The following NSMCE2 variants were observed in gnomAD, a reference collection of about 807,000 sequenced individuals.
NSMCE2 encodes NSE2 SUMO ligase component of SMC5/6 complex, also known as E3 SUMO-protein ligase NSE2.
NSMCE2 carries 24 observed loss-of-function variants against 23.8 expected under a neutral mutation model. The observed-to-expected ratio is 1.01, with a 90% confidence interval of 0.73 to 1.42. The LOEUF is 1.42. Among genes scored for constraint, NSMCE2 ranks in the 40% most tolerant of loss-of-function variants. The pLI is 0.00. For synonymous variants in NSMCE2, 92 were observed against 94.1 expected, an observed-to-expected ratio of 0.98 and a Z score of 0.13; for missense variants, 284 against 296.5, an observed-to-expected ratio of 0.96 and a Z score of 0.31.
At chr8:125,234,863 G>A (rs185040040) in intron 5 of NSMCE2, among the ~76,000 whole-genome samples, 64 of 151,938 alleles carry the variant, frequency 4.2e-4, no homozygotes, top group East Asian at 2.1e-3. Flanking sequence ...ACTCTTGTCC[G>A]CCTAATCCCC....
intron 5 of NSMCE2, among the ~76,000 whole-genome samples, chr8:125,299,804 CTTTTT>C (rs58789139): frequency 2.8e-5 from 2 of 70,242 alleles, no homozygotes; most frequent in African/African-American, 5.6e-5. Flanking sequence ...TTTTGGCTTT[CTTTTT>C]TTTTTTTTTT....
intron 5 of NSMCE2, among the ~76,000 whole-genome samples, chr8:125,341,008 C>CT (rs1328971174): frequency 1.3e-5 from 2 of 152,184 alleles, no homozygotes; most frequent in Non-Finnish European, 2.9e-5. Flanking sequence ...TGTTCCCTCA[C>CT]TGGGCATGTG....
chr8:125,259,177 A>G (rs1826572773), intron 5 of NSMCE2, among the ~76,000 whole-genome samples: 1 of 151,914 alleles, frequency 6.6e-6, no homozygotes, highest in Non-Finnish European at 1.5e-5. Flanking sequence ...GGTGTGAGCC[A>G]CTGTACCTGG....
At chr8:125,259,982 C>A (rs1031426310) in intron 5 of NSMCE2, among the ~76,000 whole-genome samples, 3 of 152,130 alleles carry the variant, frequency 2.0e-5, no homozygotes, top group African/African-American at 7.2e-5. Context: ...ATGAAGCAAC[C>A]GAGGCAGCAG....
At chr8:125,199,858 G>A (rs111527821) in intron 5 of NSMCE2, among the ~76,000 whole-genome samples, 8 of 152,118 alleles carry the variant, frequency 5.3e-5, no homozygotes, top group African/African-American at 1.4e-4. Context: ...ATCTGGGTGC[G>A]CCTGTGTTGG....
At chr8:125,140,375 T>C (rs1358961692) in intron 3 of NSMCE2, among the ~76,000 whole-genome samples, 1 of 152,090 alleles carries the variant, frequency 6.6e-6, no homozygotes, top group Non-Finnish European at 1.5e-5. Context: ...TCAATAATCA[T>C]ATAAAGGCCA....
chr8:125,110,762 G>GTTTT (rs1017002301), intron 3 of NSMCE2, among the ~76,000 whole-genome samples: 43 of 41,776 alleles, frequency 1.0e-3, no homozygotes, highest in African/African-American at 1.7e-3. Context: ...GGTTGTTGTT[G>GTTTT]TTTTTTTTTT....
At chr8:125,195,663 C>G (rs935642023) in intron 5 of NSMCE2, among the ~76,000 whole-genome samples, 28 of 152,118 alleles carry the variant, frequency 1.8e-4, no homozygotes, top group Admixed American at 1.8e-3. Flanking sequence ...AGACAAGTCT[C>G]TATGCTCATG....
At chr8:125,264,754 T>A (rs1826844494) in intron 5 of NSMCE2, among the ~76,000 whole-genome samples, 1 of 152,170 alleles carries the variant, frequency 6.6e-6, no homozygotes, top group Non-Finnish European at 1.5e-5. Context: ...TTCGCCAGAC[T>A]CATTTTCTGG....
intron 3 of NSMCE2, among the ~76,000 whole-genome samples, chr8:125,122,174 A>T (rs1052971402): frequency 0.047 from 5,194 of 109,350 alleles, 311 homozygotes; most frequent in African/African-American, 0.17. Context: ...GGCTGAGCCA[A>T]AAAAAAAAAA....
At position 125,331,781 on chromosome 8, in the gene NSMCE2, G is replaced by A. The variant is rs949407854; in HGVS notation, c.419-25438G>A. The stretch of plus-strand genomic sequence containing the variant: ...CTTTCAAATTTCAGTCAACGGTAAA[G>A]TTTCAGCGTATAGCATGGTCCACTT... On this transcript the variant is annotated intron_variant, in intron 5 of 7. Coordinates refer to ENST00000287437, the MANE Select transcript of NSMCE2 (RefSeq NM_173685.4). 7.9e-5 allele frequency among the ~76,000 whole-genome samples: 12 copies of A among 152,278 alleles called. 1 individual carries two copies. The East Asian group carries it at 2.3e-3, about 29-fold the overall frequency.
chr8:125,126,563 G>A (rs1189098814), intron 3 of NSMCE2, among the ~76,000 whole-genome samples: 1 of 152,132 alleles, frequency 6.6e-6, no homozygotes, highest in East Asian at 1.9e-4. Context: ...AGAAGATGTA[G>A]TACCTTACTT....
At chr8:125,232,568 C>G (rs1825369813) in intron 5 of NSMCE2, among the ~76,000 whole-genome samples, 2 of 152,062 alleles carry the variant, frequency 1.3e-5, no homozygotes, top group South Asian at 4.2e-4. Context: ...AGTTAGGAGA[C>G]AATCTTGAAA....
chr8:125,357,955 G>A lies in NSMCE2; in HGVS notation c.626+137G>A, dbSNP rs138893686. ...CCTCCCGAATACTGTAAACATGGAA[G>A]TGGGCTTTCTGGAAAAACAATACAT... On this transcript the variant is annotated intron_variant, in intron 7 of 7. Coordinates refer to ENST00000287437, the MANE Select transcript of NSMCE2 (RefSeq NM_173685.4). The A allele has an allele frequency of 1.1e-3, 688 of 646,854 alleles. 4 individuals are homozygous for A. In the African/African-American group the frequency reaches 0.011, roughly 10 times the overall value. The allele number at this position is 646,854 out of a possible 1,614,324, so 40.1% of individuals were successfully genotyped here.
At chr8:125,098,226 C>G (rs933495659) in intron 1 of NSMCE2, among the ~76,000 whole-genome samples, 2 of 152,178 alleles carry the variant, frequency 1.3e-5, no homozygotes, top group African/African-American at 4.8e-5. Context: ...TACACTGACA[C>G]TACATGTCTC....
At chr8:125,285,040 T>C (rs116909124) in intron 5 of NSMCE2, among the ~76,000 whole-genome samples, 6 of 152,316 alleles carry the variant, frequency 3.9e-5, no homozygotes, top group Non-Finnish European at 8.8e-5. Context: ...GGATTCTAAA[T>C]ATAGTCTGAA....
chr8:125,222,581 C>T (rs1824912766), intron 5 of NSMCE2, among the ~76,000 whole-genome samples: 1 of 152,170 alleles, frequency 6.6e-6, no homozygotes, highest in Admixed American at 6.5e-5. Context: ...TATGAATTAG[C>T]CTGTTTTAGA....
intron 5 of NSMCE2, among the ~76,000 whole-genome samples, chr8:125,285,514 C>G (rs554654547): frequency 3.9e-5 from 6 of 152,014 alleles, no homozygotes; most frequent in Non-Finnish European, 7.4e-5. Flanking sequence ...AATAGGGTAG[C>G]CATAGTTTCT....
At chr8:125,337,363 T>G (rs1434006892) in intron 5 of NSMCE2, among the ~76,000 whole-genome samples, 1 of 152,212 alleles carries the variant, frequency 6.6e-6, no homozygotes, top group Non-Finnish European at 1.5e-5. Context: ...GCTGTGATTA[T>G]AAGGTTTCCT....
Sources: gnomAD v4.1 joint callset for allele counts (sites outside exome capture counted in the v4.1 genomes callset) on GRCh38, gnomAD v4.1.1 for gene constraint, MANE v1.5 for transcripts, NCBI Gene and HGNC (gene_info 2026-07-23, HGNC 2026-07-21) for gene names.